THSD7B: variants seen among roughly 807,000 people sequenced by gnomAD.
The protein encoded by THSD7B is thrombospondin type-1 domain-containing protein 7B.
Under a neutral mutation model 213.6 loss-of-function variants are expected in THSD7B, and 138 were observed. The ratio of observed to expected loss-of-function variants is 0.65; its 90% confidence interval spans 0.56 to 0.74. The LOEUF (loss-of-function observed/expected upper bound fraction) is 0.74. THSD7B is among the 30% of genes least tolerant of loss of function. The probability of loss-of-function intolerance (pLI) is 0.00; values close to 1 mark genes in which losing one functional copy is unlikely to be tolerated. For synonymous variants in THSD7B, 742 were observed against 687.0 expected (o/e 1.08, Z -1.25); for missense variants, 1,931 against 1,991.5 (o/e 0.97, Z 0.58).
chr2:137,653,355 G>T (rs993527475), intron 21 of THSD7B, among the ~76,000 whole-genome samples: 2 of 151,852 alleles, frequency 1.3e-5, no homozygotes, highest in Non-Finnish European at 2.9e-5. Flanking sequence ...TTAAGGTCCT[G>T]TTTTTCTCCT....
At chr2:137,317,873 A>T (rs372795858) in intron 12 of THSD7B, among the ~76,000 whole-genome samples, 1 of 152,172 alleles carries the variant, frequency 6.6e-6, no homozygotes. Flanking sequence ...GTAATGAGCT[A>T]TTATAGCACC....
intron 21 of THSD7B, among the ~76,000 whole-genome samples, chr2:137,647,052 C>T (rs1471220103): frequency 1.3e-5 from 2 of 152,184 alleles, no homozygotes; most frequent in African/African-American, 2.4e-5. Flanking sequence ...GTGACCTTCC[C>T]TTGATGCCCA....
At chr2:137,426,044 T>C (rs967881134) in intron 14 of THSD7B, among the ~76,000 whole-genome samples, 1 of 152,040 alleles carries the variant, frequency 6.6e-6, no homozygotes, top group Non-Finnish European at 1.5e-5. Flanking sequence ...AAAACCAAAC[T>C]GTCCAATAAA....
chr2:137,396,045 C>T (rs1473196713), intron 12 of THSD7B, among the ~76,000 whole-genome samples: 3 of 151,708 alleles, frequency 2.0e-5, no homozygotes, highest in Admixed American at 6.6e-5. Flanking sequence ...CTATTTGATT[C>T]TTCTCTCTCT....
At chr2:137,557,757 A>G (rs1293399463) in intron 15 of THSD7B, among the ~76,000 whole-genome samples, 1 of 152,220 alleles carries the variant, frequency 6.6e-6, no homozygotes, top group Non-Finnish European at 1.5e-5. Flanking sequence ...AACCCTTCAA[A>G]AAAACAATGA....
chr2:136,882,828 A>T (rs1052665719), intron 2 of THSD7B, among the ~76,000 whole-genome samples: 2 of 152,200 alleles, frequency 1.3e-5, no homozygotes, highest in African/African-American at 4.8e-5. Flanking sequence ...GTATTTTGAG[A>T]TTCTTAGCTA....
At chr2:137,272,860 AG>A (rs1682778273) in intron 11 of THSD7B, among the ~76,000 whole-genome samples, 198 bp downstream of exon 11, 1 of 152,016 alleles carries the variant, frequency 6.6e-6, no homozygotes, top group Admixed American at 6.6e-5. Context: ...TCTAATTAAC[AG>A]GGGGAAAAGG....
chr2:136,855,426 CT>C (rs1432051455), intron 1 of THSD7B, among the ~76,000 whole-genome samples: 4 of 151,392 alleles, frequency 2.6e-5, no homozygotes, highest in African/African-American at 9.8e-5. Flanking sequence ...TTCCCTTCTT[CT>C]TCTCTCTCTT....
intron 15 of THSD7B, among the ~76,000 whole-genome samples, chr2:137,522,045 G>C (rs940814630): frequency 1.3e-5 from 2 of 152,176 alleles, no homozygotes; most frequent in African/African-American, 4.8e-5. Flanking sequence ...CTTCCCAGAT[G>C]GAGATAAACT....
intron 15 of THSD7B, among the ~76,000 whole-genome samples, chr2:137,472,592 T>C (rs1688113366): frequency 6.6e-6 from 1 of 152,224 alleles, no homozygotes; most frequent in South Asian, 2.1e-4. Flanking sequence ...CTTGCATCAG[T>C]CTTTTACAAC....
chr2:137,077,019 C>T (rs1687640894), intron 3 of THSD7B, among the ~76,000 whole-genome samples: 1 of 131,432 alleles, frequency 7.6e-6, no homozygotes, highest in Admixed American at 9.1e-5. Context: ...TGTTCCTCTT[C>T]CTGTTTCCAT....
intron 20 of THSD7B, among the ~76,000 whole-genome samples, chr2:137,622,549 T>C (rs986649749): frequency 6.6e-6 from 1 of 152,052 alleles, no homozygotes; most frequent in Non-Finnish European, 1.5e-5. Flanking sequence ...AGCTTGTTTT[T>C]TGAAAAGATC....
chr2:137,112,521 A>C (rs1031920012), intron 4 of THSD7B, among the ~76,000 whole-genome samples: 3 of 152,206 alleles, frequency 2.0e-5, no homozygotes, highest in Non-Finnish European at 2.9e-5. Flanking sequence ...ATTTTCCTTC[A>C]TAATAACTTC....
chr2:137,518,879 C>T (rs969427236), intron 15 of THSD7B, among the ~76,000 whole-genome samples: 1 of 152,176 alleles, frequency 6.6e-6, no homozygotes, highest in Non-Finnish European at 1.5e-5. Context: ...GGGTGATCGG[C>T]CAGCTACTTG....
chr2:137,534,549 T>C (rs1021935805), intron 15 of THSD7B, among the ~76,000 whole-genome samples: 4 of 151,810 alleles, frequency 2.6e-5, no homozygotes, highest in African/African-American at 9.7e-5. Context: ...TTATAAATTG[T>C]ATATAATACT....
chr2:136,977,717 T>G (rs1386727759), intron 2 of THSD7B, among the ~76,000 whole-genome samples: 2 of 152,102 alleles, frequency 1.3e-5, no homozygotes, highest in African/African-American at 4.8e-5. Context: ...ATTTCATTAT[T>G]TACCCAGGAG....
chr2:137,401,078 G>A (rs777502422), intron 12 of THSD7B, among the ~76,000 whole-genome samples: 3 of 152,188 alleles, frequency 2.0e-5, no homozygotes, highest in Non-Finnish European at 4.4e-5. Context: ...AAAGCCTATA[G>A]TTTTATCTGT....
At chr2:137,323,341 T>TCCCA (rs1430445522) in intron 12 of THSD7B, among the ~76,000 whole-genome samples, 1 of 152,170 alleles carries the variant, frequency 6.6e-6, no homozygotes, top group Non-Finnish European at 1.5e-5. Flanking sequence ...CTGCCCTGGC[T>TCCCA]CCCAGTTCCT....
chr2:137,079,830 T>G (rs1433504106), intron 3 of THSD7B, among the ~76,000 whole-genome samples: 1 of 152,150 alleles, frequency 6.6e-6, no homozygotes, highest in Non-Finnish European at 1.5e-5. Flanking sequence ...TTGGCTATTT[T>G]GTTTTTTTGT....
Sources: gnomAD v4.1 joint callset for allele counts (sites outside exome capture counted in the v4.1 genomes callset) on GRCh38, gnomAD v4.1.1 for gene constraint, MANE v1.5 for transcripts, NCBI Gene and HGNC (gene_info 2026-07-23, HGNC 2026-07-21) for gene names.